The following CDC27 variants were observed in gnomAD, a reference collection of about 807,000 sequenced individuals.
CDC27 encodes cell division cycle 27, also known as cell division cycle protein 27 homolog.
CDC27 carries 27 observed loss-of-function variants against 109.7 expected under a neutral mutation model. That is an observed-to-expected ratio of 0.25 (90% CI 0.18 to 0.34). The LOEUF (loss-of-function observed/expected upper bound fraction) is 0.34, where lower values mean the gene tolerates loss of function less well. CDC27 is among the 10% of genes least tolerant of loss of function. The pLI, the probability that CDC27 is intolerant of heterozygous loss-of-function variation, is 1.00. For synonymous variants in CDC27, 266 were observed against 333.9 expected (o/e 0.80, Z 2.22); for missense variants, 579 against 960.2 (o/e 0.60, Z 5.25).
chr17:47,127,669 G>A (rs1400230985), intron 16 of CDC27, among the ~76,000 whole-genome samples: 1 of 151,946 alleles, frequency 6.6e-6, no homozygotes, highest in Non-Finnish European at 1.5e-5. Flanking sequence ...CCAAAGGGCT[G>A]GGATTACATA....
rs573561123 is a variant in CDC27, at chr17:47,122,669, T to C, written c.2236-69A>G. The C allele has an allele frequency of 1.4e-5, 15 of 1,089,648 alleles. 1 individual carries two copies. In the South Asian group the frequency reaches 3.4e-4, roughly 25 times the overall value. 67.5% of individuals were successfully genotyped at this position (1,089,648 alleles called of 1,614,324 possible). ...CTTCAACTATAAAATTCTAACTATA[T>C]ATATACTTATTTATTTATTTTTGAG... On this transcript the variant is annotated intron_variant, in intron 17 of 18. Coordinates refer to ENST00000066544, the MANE Select transcript of CDC27 (RefSeq NM_001256.6).
intron 4 of CDC27, chr17:47,159,889 G>A (rs2148928463): frequency 2.3e-6 from 1 of 436,122 alleles, no homozygotes; most frequent in Non-Finnish European, 4.5e-6. Context: ...GCTTGGTGAT[G>A]GGAATCTACT....
chr17:47,125,449 A>T (rs770958176), intron 16 of CDC27, among the ~76,000 whole-genome samples: 1 of 138,334 alleles, frequency 7.2e-6, no homozygotes, highest in Admixed American at 7.3e-5. Flanking sequence ...GTTTCACCAT[A>T]TTGGCCAGCT....
At chr17:47,169,694 G>T (rs1189363404) in intron 4 of CDC27, 6 of 318,686 alleles carry the variant, frequency 1.9e-5, no homozygotes, top group Admixed American at 5.0e-5. Context: ...TAACATGTAT[G>T]ATCAATTGTT....
intron 8 of CDC27, among the ~76,000 whole-genome samples, chr17:47,154,088 CAAA>C (rs536543231): frequency 1.4e-4 from 10 of 70,644 alleles, no homozygotes; most frequent in Admixed American, 3.0e-4. Flanking sequence ...GACCCTGTCT[CAAA>C]AAAAAAAAAA....
chr17:47,177,774 T>C (rs1234056533), intron 2 of CDC27, among the ~76,000 whole-genome samples: 1 of 152,114 alleles, frequency 6.6e-6, no homozygotes, highest in Non-Finnish European at 1.5e-5. Flanking sequence ...GTTCCATAGG[T>C]AGCAATTACT....
At chr17:47,159,557 T>G in intron 4 of CDC27, 3 of 480,046 alleles carry the variant, frequency 6.2e-6, no homozygotes, top group Non-Finnish European at 1.1e-5. Context: ...GCCAATCTTG[T>G]TCCCCCAGTA....
intron 9 of CDC27, among the ~76,000 whole-genome samples, chr17:47,149,052 C>T (rs988278214): frequency 1.4e-5 from 2 of 142,434 alleles, no homozygotes; most frequent in African/African-American, 5.2e-5. Flanking sequence ...GCACTCCAGC[C>T]CAGGCAACAA....
intron 15 of CDC27, among the ~76,000 whole-genome samples, chr17:47,130,269 G>A (rs1021646150): frequency 5.9e-5 from 9 of 152,114 alleles, no homozygotes; most frequent in African/African-American, 1.9e-4. Flanking sequence ...GCTGAGGCAG[G>A]AGAATTGCTT....
chr17:47,146,729 T>C (rs896589006), intron 9 of CDC27, among the ~76,000 whole-genome samples: 7 of 152,072 alleles, frequency 4.6e-5, no homozygotes, highest in Admixed American at 2.0e-4. Flanking sequence ...AATAAAACTT[T>C]AAAATACCTA....
At chr17:47,137,793 C>T (rs1029301319) in intron 13 of CDC27, among the ~76,000 whole-genome samples, 3 of 143,550 alleles carry the variant, frequency 2.1e-5, no homozygotes, top group African/African-American at 7.7e-5. Context: ...ACCTCTGAAC[C>T]TCATTCTCTC....
chr17:47,144,952 G>A (rs1010322998), intron 9 of CDC27, among the ~76,000 whole-genome samples: 7 of 151,892 alleles, frequency 4.6e-5, no homozygotes, highest in Non-Finnish European at 7.4e-5. Context: ...GGCTTCCAAA[G>A]TTCAGAATTA....
chr17:47,181,229 TG>T, intron 2 of CDC27: 1 of 116,542 alleles, frequency 8.6e-6, no homozygotes, highest in Admixed American at 1.4e-4. Context: ...TACTCCAACA[TG>T]GGTGACAGAG....
intron 16 of CDC27, among the ~76,000 whole-genome samples, chr17:47,127,462 G>C (rs1446815967): frequency 6.6e-6 from 1 of 151,622 alleles, no homozygotes; most frequent in African/African-American, 2.4e-5. Flanking sequence ...GAGCGCAGTG[G>C]TGTGATCTCA....
At chr17:47,168,024 T>G (rs1460133845) in intron 4 of CDC27, among the ~76,000 whole-genome samples, 1 of 152,070 alleles carries the variant, frequency 6.6e-6, no homozygotes, top group Non-Finnish European at 1.5e-5. Context: ...GAAAGAGAGG[T>G]GCGGAGCTTC....
intron 4 of CDC27, among the ~76,000 whole-genome samples, chr17:47,165,982 T>C (rs1170939818): frequency 6.6e-6 from 1 of 152,236 alleles, no homozygotes; most frequent in Non-Finnish European, 1.5e-5. Flanking sequence ...TTTAATTATT[T>C]TGTGTATGTT....
chr17:47,124,255 TCATC>T (rs892311659), intron 16 of CDC27, among the ~76,000 whole-genome samples: 48 of 62,976 alleles, frequency 7.6e-4, no homozygotes, highest in East Asian at 5.1e-3. Flanking sequence ...TTGCTTTTGG[TCATC>T]TATCTATCTA....
At chr17:47,159,547 G>A (rs975188159) in intron 4 of CDC27, 9 of 496,480 alleles carry the variant, frequency 1.8e-5, no homozygotes, top group Non-Finnish European at 3.2e-5. Context: ...CGTAGGGCTT[G>A]CCAATCTTGT....
rs575929900 is a variant in CDC27, at chr17:47,149,091, A to G, written c.1070+2715T>C. The stretch of plus-strand genomic sequence containing the variant: ...AGACTCTGTCTCAAAAAAAAAAAAA[A>G]AAAAAGAAAAAGAAAGAAATTCTTG... On this transcript the variant is annotated intron_variant, in intron 9 of 18. Coordinates refer to ENST00000066544, the MANE Select transcript of CDC27 (RefSeq NM_001256.6). 4.5e-3 allele frequency among the ~76,000 whole-genome samples: 689 copies of G among 151,650 alleles called. 8 individuals carry two copies. Among genetic ancestry groups the G allele is most frequent in the African/African-American group, 0.015 (616 of 41,442 alleles).
Sources: allele counts gnomAD v4.1 joint callset (sites outside exome capture counted in the v4.1 genomes callset), GRCh38; gene constraint gnomAD v4.1.1; transcripts MANE v1.5; gene names NCBI Gene and HGNC (gene_info 2026-07-23, HGNC 2026-07-21).